DLG2: variants seen among roughly 807,000 people sequenced by gnomAD.
DLG2 encodes discs large MAGUK scaffold protein 2.
DLG2 carries 45 observed loss-of-function variants against 132.5 expected under a neutral mutation model. The observed-to-expected ratio is 0.34, with a 90% CI of 0.27 to 0.44. The LOEUF (loss-of-function observed/expected upper bound fraction) is 0.44. Ranked by LOEUF, DLG2 falls within the 20% of genes least tolerant of loss-of-function variation. DLG2 has a pLI of 1.00. For synonymous variants in DLG2, 424 were observed against 419.6 expected (o/e 1.01, Z -0.13); for missense variants, 1,045 against 1,196.9 (o/e 0.87, Z 1.87).
chr11:84,256,372 C>T (rs566147975), intron 7 of DLG2, among the ~76,000 whole-genome samples: 22 of 152,256 alleles, frequency 1.4e-4, no homozygotes, highest in Non-Finnish European at 2.8e-4. Context: ...AGCCAAGAAA[C>T]ACTCTCATGT....
At position 83,704,352 on chromosome 11, in the gene DLG2, C is replaced by T. The variant is rs187952604; in HGVS notation, c.1826-71027G>A. ...ATGTATTTCATAAACAGAAATGATA[C>T]TAAAATGAGACAAAAACAGAAACCA... On this transcript the variant is annotated intron_variant, in intron 18 of 27. Coordinates refer to ENST00000376104, the MANE Select transcript of DLG2 (RefSeq NM_001142699.3). Among the ~76,000 whole-genome samples the T allele has an allele frequency of 2.0e-5, 3 of 152,068 alleles. 1 individual carries two copies. The East Asian group carries it at 5.8e-4, about 29-fold the overall frequency.
chr11:85,437,414 T>C (rs2091548182), intron 3 of DLG2, among the ~76,000 whole-genome samples: 1 of 151,722 alleles, frequency 6.6e-6, no homozygotes, highest in African/African-American at 2.4e-5. Context: ...TCATAGAAAA[T>C]AGAAAATTAA....
intron 21 of DLG2, among the ~76,000 whole-genome samples, chr11:83,496,519 CA>C (rs1208382095): frequency 1.3e-5 from 2 of 152,136 alleles, no homozygotes; most frequent in Admixed American, 6.5e-5. Context: ...AGACTGTTCA[CA>C]ATTACCTCAA....
At chr11:83,650,257 G>C (rs550236681) in intron 18 of DLG2, among the ~76,000 whole-genome samples, 2 of 152,212 alleles carry the variant, frequency 1.3e-5, no homozygotes, top group Non-Finnish European at 2.9e-5. Context: ...GAGATGGGGA[G>C]ATTTTCCTGG....
intron 4 of DLG2, among the ~76,000 whole-genome samples, chr11:85,172,059 GA>G (rs769294079): frequency 4.1e-4 from 62 of 152,350 alleles, no homozygotes; most frequent in Non-Finnish European, 7.3e-4. Flanking sequence ...CATTCTGGAC[GA>G]GGGGGGGTTC....
In DLG2 at chr11:85,285,251, G is replaced by A. The variant is rs148579957; in HGVS notation, c.155C>T (p.Pro52Leu). 147 of 1,611,276 alleles carry A rather than the reference G, an allele frequency of 9.1e-5. No homozygotes were observed. The highest frequency in any genetic ancestry group is 1.2e-4 in the Non-Finnish European group (136 of 1,178,304). The part of the protein sequence containing the change: ...QKWEKTSLLA[P>L]CHDRLQKSSE... ...AGATTTTTGAAGTCTGTCATGGCAC[G>A]GAGCAAGAAGGGATGTCTTCTCCCA... is the stretch of plus-strand genomic sequence containing the variant. Residue 52 changes from proline (P) to leucine (L), a missense_variant, in exon 4 of 28, where the codon CCG becomes CTG. By Grantham distance (98) the Pro-to-Leu change is moderately conservative (BLOSUM62 -3). Transcript: ENST00000376104.
At chr11:85,198,212 G>A (rs72945967) in intron 4 of DLG2, among the ~76,000 whole-genome samples, 1,895 of 152,208 alleles carry the variant, frequency 0.012, 14 homozygotes, top group Non-Finnish European at 0.018. Context: ...AAGAGATTTC[G>A]TTGTAGTTCC....
intron 6 of DLG2, among the ~76,000 whole-genome samples, chr11:85,106,716 G>T (rs2071813634): frequency 6.6e-6 from 1 of 151,850 alleles, no homozygotes; most frequent in Non-Finnish European, 1.5e-5. Context: ...CTCAGATTAG[G>T]TAAATTGTCC....
intron 6 of DLG2, among the ~76,000 whole-genome samples, chr11:84,678,961 A>G (rs2099721892): frequency 6.6e-6 from 1 of 152,102 alleles, no homozygotes; most frequent in South Asian, 2.1e-4. Flanking sequence ...ATGATTCTAC[A>G]TAAAAAAGTT....
chr11:83,938,397 G>A (rs2081965398), intron 14 of DLG2, among the ~76,000 whole-genome samples: 1 of 152,116 alleles, frequency 6.6e-6, no homozygotes, highest in African/African-American at 2.4e-5. Context: ...GAGAGTGAAA[G>A]GGGTGAAAGA....
At chr11:84,021,529 T>C (rs570765516) in intron 11 of DLG2, among the ~76,000 whole-genome samples, 2 of 152,176 alleles carry the variant, frequency 1.3e-5, no homozygotes, top group East Asian at 3.9e-4. Context: ...CTGCTAATAA[T>C]AGGATACTCC....
intron 7 of DLG2, among the ~76,000 whole-genome samples, chr11:84,353,519 C>T (rs1034881837): frequency 2.0e-5 from 3 of 152,170 alleles, no homozygotes; most frequent in South Asian, 2.1e-4. Context: ...CACACCTCCA[C>T]GTCTCTAATG....
intron 18 of DLG2, among the ~76,000 whole-genome samples, chr11:83,759,815 G>A (rs1159976438): frequency 6.6e-6 from 1 of 152,112 alleles, no homozygotes; most frequent in Non-Finnish European, 1.5e-5. Context: ...AAGTCCTATA[G>A]GTTCTATAAA....
At chr11:85,319,224 A>C (rs1291770646) in intron 3 of DLG2, among the ~76,000 whole-genome samples, 1 of 151,838 alleles carries the variant, frequency 6.6e-6, no homozygotes, top group Non-Finnish European at 1.5e-5. Context: ...ATAACCTTAG[A>C]AACAATAAAA....
intron 6 of DLG2, among the ~76,000 whole-genome samples, chr11:84,951,669 T>TAC (rs1045673002): frequency 1.3e-5 from 2 of 149,968 alleles, no homozygotes; most frequent in African/African-American, 4.9e-5. Flanking sequence ...TATATATATA[T>TAC]ACACACACAT....
At chr11:83,796,464 C>T (rs1266133866) in intron 17 of DLG2, among the ~76,000 whole-genome samples, 2 of 152,208 alleles carry the variant, frequency 1.3e-5, no homozygotes, top group African/African-American at 4.8e-5. Context: ...TGATCCCACT[C>T]CCTTCCGCAT....
chr11:84,932,023 T>C (rs1299723680), intron 6 of DLG2, among the ~76,000 whole-genome samples: 1 of 152,230 alleles, frequency 6.6e-6, no homozygotes, highest in African/African-American at 2.4e-5. Flanking sequence ...TATTAGACCT[T>C]TGTTGAATGA....
At chr11:84,502,250 C>CTTT (rs2099214257) in intron 7 of DLG2, among the ~76,000 whole-genome samples, 1 of 40,556 alleles carries the variant, frequency 2.5e-5, no homozygotes, top group Non-Finnish European at 4.3e-5. Flanking sequence ...TTCCTTCCTT[C>CTTT]CTTCCTTCCT....
chr11:84,416,578 A>C (rs1232787254), intron 7 of DLG2, among the ~76,000 whole-genome samples: 7 of 152,214 alleles, frequency 4.6e-5, no homozygotes, highest in African/African-American at 1.7e-4. Context: ...CTAACGATTA[A>C]AAACATGTGG....
Sources: gnomAD v4.1 joint callset for allele counts (sites outside exome capture counted in the v4.1 genomes callset) on GRCh38, gnomAD v4.1.1 for gene constraint, MANE v1.5 for transcripts, NCBI Gene and HGNC (gene_info 2026-07-23, HGNC 2026-07-21) for gene names.